PCNT: variants seen among roughly 807,000 people sequenced by gnomAD.
PCNT encodes the protein pericentrin.
A neutral mutation model predicts 380.4 loss-of-function variants in PCNT; 319 were observed. The observed-to-expected ratio is 0.84, with a 90% confidence interval of 0.77 to 0.92. PCNT has a LOEUF of 0.92. PCNT is among the 40% of genes least tolerant of loss of function. PCNT has a pLI of 0.00. For synonymous variants in PCNT, 1,845 were observed against 1,735.2 expected (o/e 1.06, Z -1.57); for missense variants, 4,400 against 4,255.3 (o/e 1.03, Z -0.95).
At chr21:46,427,566 G>A in intron 33 of PCNT, 56 bp from the exon 34 acceptor site, 1 of 1,607,186 alleles carries the variant, frequency 6.2e-7, no homozygotes, top group Non-Finnish European at 8.5e-7. Flanking sequence ...GAACTTTAGG[G>A]CACAAGGATG....
chr21:46,331,933 G>A (rs1198129460), intron 2 of PCNT, among the ~76,000 whole-genome samples: 3 of 152,242 alleles, frequency 2.0e-5, no homozygotes, highest in Non-Finnish European at 4.4e-5. Context: ...GCCAAGGCAG[G>A]AAGATCACCT....
At chr21:46,397,587 TAG>T in intron 22 of PCNT, 93 bp downstream of exon 22, 1 of 1,102,422 alleles carries the variant, frequency 9.1e-7, no homozygotes, top group Non-Finnish European at 1.3e-6. Flanking sequence ...GCTTCTGCAG[TAG>T]GATGTTGAAG....
chr21:46,414,413 G>C (rs1214667422), intron 29 of PCNT, among the ~76,000 whole-genome samples: 1 of 146,468 alleles, frequency 6.8e-6, no homozygotes, highest in East Asian at 2.1e-4. Context: ...ACACACATCT[G>C]TCCACCCTCC....
intron 38 of PCNT, among the ~76,000 whole-genome samples, chr21:46,432,768 G>A (rs1010005916): frequency 1.3e-5 from 2 of 152,084 alleles, no homozygotes; most frequent in African/African-American, 4.8e-5. Flanking sequence ...GGGACTGCAG[G>A]CACATGCCAC....
At chr21:46,434,893 G>A (rs1039199946) in intron 38 of PCNT, among the ~76,000 whole-genome samples, 10 of 152,248 alleles carry the variant, frequency 6.6e-5, no homozygotes, top group African/African-American at 1.9e-4. Context: ...ACAGGGAAGC[G>A]TCATCCGGTC....
chr21:46,403,031 G>T (rs1417951164), intron 27 of PCNT, among the ~76,000 whole-genome samples: 1 of 152,272 alleles, frequency 6.6e-6, no homozygotes, highest in Non-Finnish European at 1.5e-5. Flanking sequence ...TAGTAGAGAT[G>T]ATATTCAAAA....
Position 46,363,555 on chromosome 21 carries a change from G to A in PCNT, c.2230G>A (p.Glu744Lys), listed in dbSNP as rs750981347. 1.2e-6 allele frequency: 2 copies of A among 1,614,000 alleles called. No homozygotes were observed. Among genetic ancestry groups the A allele is most frequent in the Non-Finnish European group, 1.7e-6 (2 of 1,179,980 alleles). The change falls in exon 14 of 47, where the codon GAA becomes AAA. Residue 744 changes from glutamate to lysine, a missense_variant. Transcript: ENST00000359568. ...GCAAAAGACTGAGCTGATGAAACAG[G>A]AATTCCAAAGAAAAGAAACGGACTG... ...AKQKTELMKQ[E>K]FQRKETDWKV...
intron 31 of PCNT, among the ~76,000 whole-genome samples, chr21:46,420,137 T>C (rs1240150838): frequency 6.6e-6 from 1 of 152,106 alleles, no homozygotes; most frequent in Non-Finnish European, 1.5e-5. Flanking sequence ...CCGCCGCCTC[T>C]GTGCCTGCGC....
intron 18 of PCNT, among the ~76,000 whole-genome samples, 155 bp downstream of exon 18, chr21:46,389,039 G>C (rs551185929): frequency 6.6e-6 from 1 of 152,228 alleles, no homozygotes; most frequent in Non-Finnish European, 1.5e-5. Flanking sequence ...GGCCGAGACC[G>C]GGGTTTGGGC....
chr21:46,359,826 A>G (rs1445150643), intron 13 of PCNT, among the ~76,000 whole-genome samples: 4 of 148,970 alleles, frequency 2.7e-5, no homozygotes, highest in Admixed American at 2.7e-4. Flanking sequence ...CTTCGTGTGC[A>G]TTTTGTCTGG....
intron 13 of PCNT, among the ~76,000 whole-genome samples, chr21:46,362,943 G>A (rs1372634287): frequency 6.6e-6 from 1 of 152,028 alleles, no homozygotes; most frequent in Non-Finnish European, 1.5e-5. Flanking sequence ...CCTTTACAGT[G>A]TGCCTTGCAG....
At chr21:46,408,642 A>G (rs995679527) in intron 27 of PCNT, among the ~76,000 whole-genome samples, 2 of 150,970 alleles carry the variant, frequency 1.3e-5, no homozygotes, top group African/African-American at 4.9e-5. Flanking sequence ...CTTAATGACT[A>G]GTGATCTTGA....
In PCNT at chr21:46,363,479, G is replaced by GTTCAACACAATCTAATTGTGTT. The variant is rs1420916345; in HGVS notation, c.2155-1_2155insTTCAACACAATCTAATTGTGTT (p.Val719PhefsTer5). On this transcript the variant is annotated stop_gained and frameshift_variant and splice_region_variant. Coordinates refer to ENST00000359568, the MANE Select transcript of PCNT (RefSeq NM_006031.6). LOFTEE classifies it high-confidence loss of function. ...CCTAAATGAAATTATGTTGTCTGTA[G>GTTCAACACAATCTAATTGTGTT]GTAAAACACAATCTAATTGAAGACC... 2 of 1,609,128 alleles carry GTTCAACACAATCTAATTGTGTT rather than the reference G, an allele frequency of 1.2e-6. No homozygotes were observed. Among genetic ancestry groups the GTTCAACACAATCTAATTGTGTT allele is most frequent in the African/African-American group, 2.7e-5 (2 of 74,778 alleles).
intron 1 of PCNT, 96 bp from the exon 2 acceptor site, chr21:46,326,281 G>A (rs541350050): frequency 1.7e-6 from 2 of 1,151,204 alleles, no homozygotes; most frequent in South Asian, 1.3e-5. Context: ...GTCAGCCCTC[G>A]GGCCTCATGG....
chr21:46,430,535 C>G lies in PCNT; in HGVS notation c.7942C>G (p.Leu2648Val). ...CATGCTGAGCAGTAAGGAGAACGAG[C>G]TGAAGGCCGCGCTTCAGGAGCTGGA... is the stretch of plus-strand genomic sequence containing the variant. The part of the protein sequence containing the change: ...RSMLSSKENE[L>V]KAALQELESE... Residue 2648 changes from leucine (L) to valine (V), a missense_variant, in exon 37 of 47, where the codon CTG becomes GTG. Coordinates refer to ENST00000359568, the MANE Select transcript of PCNT (RefSeq NM_006031.6). The G allele has an allele frequency of 6.4e-7, 1 of 1,553,650 alleles. No homozygotes were observed. The highest frequency in any genetic ancestry group is 8.7e-7 in the Non-Finnish European group (1 of 1,148,900).
chr21:46,431,348 C>T, intron 37 of PCNT, 181 bp from the exon 38 acceptor site: 4 of 1,454,464 alleles, frequency 2.8e-6, no homozygotes, highest in Non-Finnish European at 3.6e-6. Context: ...TCTCCGCAGT[C>T]TGGGTTTTTT....
At chr21:46,392,136 T>C (rs920739445) in intron 21 of PCNT, among the ~76,000 whole-genome samples, 1 of 152,198 alleles carries the variant, frequency 6.6e-6, no homozygotes, top group African/African-American at 2.4e-5. Context: ...CAGCTTTTGA[T>C]TTTTGTGGCC....
At chr21:46,355,760 T>C in intron 12 of PCNT, 134 bp downstream of exon 12, 1 of 870,486 alleles carries the variant, frequency 1.1e-6, no homozygotes. Flanking sequence ...CTTCTGGGGC[T>C]GACACCTCAA....
At chr21:46,377,954 G>T (rs1485630479) in intron 15 of PCNT, among the ~76,000 whole-genome samples, 2 of 152,070 alleles carry the variant, frequency 1.3e-5, no homozygotes, top group Admixed American at 6.6e-5. Flanking sequence ...GGCGTCCTAC[G>T]TACATAGACT....
Sources: gnomAD v4.1 joint callset for allele counts (sites outside exome capture counted in the v4.1 genomes callset) on GRCh38, gnomAD v4.1.1 for gene constraint, MANE v1.5 for transcripts, NCBI Gene and HGNC (gene_info 2026-07-23, HGNC 2026-07-21) for gene names.